The following TMEM170B variants were observed in gnomAD, a reference collection of about 807,000 sequenced individuals.
TMEM170B encodes transmembrane protein 170B.
In TMEM170B, 6 loss-of-function variants were observed where a neutral mutation model predicts 13.0. The observed-to-expected ratio is 0.46, with a 90% CI of 0.25 to 0.91. The LOEUF (loss-of-function observed/expected upper bound fraction) is 0.91. Ranked by LOEUF, TMEM170B falls within the 40% of genes least tolerant of loss-of-function variation. The probability of loss-of-function intolerance (pLI) is 0.17; values close to 1 mark genes in which losing one functional copy is unlikely to be tolerated. For missense variants in TMEM170B, 138 were observed against 165.2 expected (o/e 0.84, Z 0.90); for synonymous variants, 61 against 64.9 (o/e 0.94, Z 0.29).
In TMEM170B at chr6:11,565,705, C is replaced by T; in HGVS notation, c.137C>T (p.Ser46Phe). 6.2e-7 allele frequency: 1 copy of T among 1,614,174 alleles called. No homozygotes were observed. Among genetic ancestry groups the T allele is most frequent in the Non-Finnish European group, 8.5e-7 (1 of 1,180,000 alleles). ...YWIFLWALFSSLFVHGAAGVL... is the reference protein window; with the variant it reads ...YWIFLWALFSFLFVHGAAGVL... Reference sequence around the variant, plus strand: ...ATCTTCCTCTGGGCTCTCTTCTCTTCTCTGTTTGTCCATGGTGCTGCAGGA... The same window carrying T: ...ATCTTCCTCTGGGCTCTCTTCTCTTTTCTGTTTGTCCATGGTGCTGCAGGA... Residue 46 changes from serine (S) to phenylalanine (F), a missense_variant, in exon 2 of 3, where the codon TCT becomes TTT. By Grantham distance (155) the Ser-to-Phe change is radical (BLOSUM62 -2). Coordinates refer to ENST00000379426, the MANE Select transcript of TMEM170B (RefSeq NM_001100829.3).
intron 1 of TMEM170B, among the ~76,000 whole-genome samples, chr6:11,547,819 T>A (rs751622060): frequency 2.6e-4 from 40 of 152,194 alleles, no homozygotes; most frequent in Non-Finnish European, 7.3e-5. Flanking sequence ...ATCTGAACCA[T>A]TTTCTGGATA....
chr6:11,552,559 TTCA>T (rs201027205), intron 1 of TMEM170B, among the ~76,000 whole-genome samples: 1,650 of 152,320 alleles, frequency 0.011, 39 homozygotes, highest in African/African-American at 0.036. Flanking sequence ...GCACTGTCTC[TTCA>T]TAGAAGGGAA....
At chr6:11,543,479 A>G (rs1309100309) in intron 1 of TMEM170B, among the ~76,000 whole-genome samples, 2 of 152,158 alleles carry the variant, frequency 1.3e-5, no homozygotes, top group Non-Finnish European at 2.9e-5. Context: ...TATTTTGTTT[A>G]ATCTTTTAGG....
At chr6:11,559,823 A>T (rs187936034) in intron 1 of TMEM170B, among the ~76,000 whole-genome samples, 15 of 152,136 alleles carry the variant, frequency 9.9e-5, no homozygotes, top group African/African-American at 2.6e-4. Context: ...TGATGGTATA[A>T]AGAAAGAAAA....
intron 1 of TMEM170B, among the ~76,000 whole-genome samples, chr6:11,552,275 C>A (rs1398435149): frequency 6.6e-6 from 1 of 152,170 alleles, no homozygotes; most frequent in East Asian, 1.9e-4. Context: ...AAATGACTCA[C>A]TTATTTCCAA....
rs190896867 is a variant in TMEM170B, at chr6:11,580,278, G to A, written c.*4717G>A. 1 of 152,250 alleles carries A rather than the reference G, an allele frequency of 6.6e-6. No individual in the cohort carries two copies. Among genetic ancestry groups the A allele is most frequent in the Admixed American group, 6.5e-5 (1 of 15,296 alleles). The allele number at this position is 152,250 out of a possible 1,614,324, so 9.4% of individuals were successfully genotyped here. ...TCCACCCACCTTGGCCTCCCAAAGTGCTGGGATTACAGGTGTAAGCTGCCG... is the reference window on the plus strand; with the variant it reads ...TCCACCCACCTTGGCCTCCCAAAGTACTGGGATTACAGGTGTAAGCTGCCG... On this transcript the variant is annotated 3_prime_UTR_variant, in exon 3 of 3. Coordinates refer to ENST00000379426, the MANE Select transcript of TMEM170B (RefSeq NM_001100829.3).
rs573635790 is a variant in TMEM170B, at chr6:11,574,081, T to A, written c.269-1350T>A. On this transcript the variant is annotated intron_variant, in intron 2 of 2. Transcript: ENST00000379426. ...TTTGGGATTTATAGCCAGACTAACC[T>A]GGATTGAAAAATCCCGGCTCTTGTA... Among the ~76,000 whole-genome samples, 8 of 152,256 alleles carry A rather than the reference T, an allele frequency of 5.3e-5. No homozygotes were observed. In the East Asian group the frequency reaches 1.3e-3, roughly 26 times the overall value.
In TMEM170B at chr6:11,581,086, A is replaced by G. The variant is rs1257657987; in HGVS notation, c.*5525A>G. On this transcript the variant is annotated 3_prime_UTR_variant, in exon 3 of 3. Coordinates refer to ENST00000379426, the MANE Select transcript of TMEM170B (RefSeq NM_001100829.3). ...TTCAGTAAATGTGGAGATATATCAGATAATACTTTTAAATTAGTGGAAACA... is the reference window on the plus strand; with the variant it reads ...TTCAGTAAATGTGGAGATATATCAGGTAATACTTTTAAATTAGTGGAAACA... The G allele has an allele frequency of 6.6e-6, 1 of 152,242 alleles. No individual in the cohort carries two copies. The highest frequency in any genetic ancestry group is 1.9e-4 in the East Asian group (1 of 5,204). 9.4% of individuals were successfully genotyped at this position (152,242 alleles called of 1,614,324 possible).
chr6:11,567,727 G>T (rs1264562423), intron 2 of TMEM170B, among the ~76,000 whole-genome samples: 2 of 152,130 alleles, frequency 1.3e-5, no homozygotes, highest in African/African-American at 2.4e-5. Flanking sequence ...CATAGACGGG[G>T]TTTTAAACAG....
intron 1 of TMEM170B, among the ~76,000 whole-genome samples, chr6:11,543,807 T>C (rs1759393855): frequency 1.3e-5 from 2 of 152,162 alleles, no homozygotes; most frequent in South Asian, 2.1e-4. Flanking sequence ...AGTGTTTTTT[T>C]CCCATGTACA....
intron 1 of TMEM170B, among the ~76,000 whole-genome samples, chr6:11,562,784 C>T (rs12214484): frequency 0.058 from 8,786 of 152,110 alleles, 275 homozygotes; most frequent in East Asian, 0.16. Context: ...GTACTCTTCT[C>T]TATTGTGTAT....
intron 1 of TMEM170B, among the ~76,000 whole-genome samples, 178 bp downstream of exon 1, chr6:11,538,552 C>T (rs1454223882): frequency 6.6e-6 from 1 of 152,094 alleles, no homozygotes; most frequent in African/African-American, 2.4e-5. Context: ...CCGGGGGCGC[C>T]GGCTCCCGCC....
chr6:11,569,645 G>A (rs1759775678), intron 2 of TMEM170B, among the ~76,000 whole-genome samples: 1 of 152,122 alleles, frequency 6.6e-6, no homozygotes, highest in Non-Finnish European at 1.5e-5. Context: ...GAGGCATCGG[G>A]CATTCAGGCC....
chr6:11,574,899 G>T (rs1270565286), intron 2 of TMEM170B, among the ~76,000 whole-genome samples: 1 of 152,084 alleles, frequency 6.6e-6, no homozygotes, highest in Non-Finnish European at 1.5e-5. Context: ...GAACTATTTT[G>T]TATGGTAGAT....
intron 1 of TMEM170B, among the ~76,000 whole-genome samples, chr6:11,549,013 T>A (rs1323150724): frequency 6.6e-6 from 1 of 152,258 alleles, no homozygotes; most frequent in East Asian, 1.9e-4. Context: ...ACATGGCATA[T>A]GTATACATAT....
chr6:11,559,985 A>G (rs1255775078), intron 1 of TMEM170B, among the ~76,000 whole-genome samples: 1 of 151,664 alleles, frequency 6.6e-6, no homozygotes, highest in Non-Finnish European at 1.5e-5. Context: ...GTCTAATGAG[A>G]TAGGTTTTGT....
intron 1 of TMEM170B, among the ~76,000 whole-genome samples, chr6:11,550,420 G>A (rs1486580282): frequency 5.9e-5 from 9 of 151,704 alleles, no homozygotes; most frequent in African/African-American, 1.7e-4. Context: ...TGATCCACCC[G>A]CCTCAGCCTC....
At chr6:11,540,399 A>G (rs369292374) in intron 1 of TMEM170B, among the ~76,000 whole-genome samples, 1 of 152,222 alleles carries the variant, frequency 6.6e-6, no homozygotes, top group African/African-American at 2.4e-5. Context: ...CGGTGTTCAC[A>G]TGATCTTCAC....
At chr6:11,565,959 A>T in intron 2 of TMEM170B, 123 bp downstream of exon 2, 2 of 839,810 alleles carry the variant, frequency 2.4e-6, no homozygotes, top group Middle Eastern at 6.1e-4. Flanking sequence ...TTCAACACTT[A>T]ACACACTCCA....
Sources: allele counts gnomAD v4.1 joint callset (sites outside exome capture counted in the v4.1 genomes callset), GRCh38; gene constraint gnomAD v4.1.1; transcripts MANE v1.5; gene names NCBI Gene and HGNC (gene_info 2026-07-23, HGNC 2026-07-21).